Variants in PCDHA6 observed in about 807,000 individuals in gnomAD.
The protein encoded by PCDHA6 is protocadherin alpha-6.
In PCDHA6, 55 loss-of-function variants were observed where a neutral mutation model predicts 60.3. That is an observed-to-expected ratio of 0.91 (90% CI 0.73 to 1.14). The LOEUF (loss-of-function observed/expected upper bound fraction) is 1.14, where lower values mean the gene tolerates loss of function less well. Ranked by LOEUF, PCDHA6 falls within the 50% of genes most tolerant of loss-of-function variation. PCDHA6 has a pLI of 0.00. For missense variants in PCDHA6, 1,327 were observed against 1,256.5 expected (o/e 1.06, Z -0.85); for synonymous variants, 652 against 557.9 (o/e 1.17, Z -2.38).
chr5:140,983,221 A>G (rs1178098444), intron 3 of PCDHA6, among the ~76,000 whole-genome samples: 1 of 152,196 alleles, frequency 6.6e-6, no homozygotes, highest in Non-Finnish European at 1.5e-5. Context: ...TCCTAATCCA[A>G]ACTTTCAGGA....
chr5:140,869,302 G>T lies in PCDHA6; in HGVS notation c.2394+38817G>T. ...GCTGGTGCAGCGCCTGTTCCGGGTGGCGTCCAAAACACATGGGGACCTTCT... is the reference window on the plus strand; with the variant it reads ...GCTGGTGCAGCGCCTGTTCCGGGTGTCGTCCAAAACACATGGGGACCTTCT... On this transcript the variant is annotated intron_variant, in intron 1 of 3. Coordinates refer to ENST00000529310, the MANE Select transcript of PCDHA6 (RefSeq NM_018909.4). The T allele has an allele frequency of 6.2e-7, 1 of 1,613,642 alleles. No homozygotes were observed. Among genetic ancestry groups the T allele is most frequent in the Non-Finnish European group, 8.5e-7 (1 of 1,179,984 alleles).
Position 140,883,537 on chromosome 5 carries a change from G to A in PCDHA6, c.2394+53052G>A, listed in dbSNP as rs782001309. 3 of 1,614,238 alleles carry A rather than the reference G, an allele frequency of 1.9e-6. No individual in the cohort carries two copies. The African/African-American group carries it at 4.0e-5, about 22-fold the overall frequency. On this transcript the variant is annotated intron_variant, in intron 1 of 3. Transcript: ENST00000529310. ...GCGAGAGCGTATCAGCCTATGAACT[G>A]GTGGTGACCGCGCGGGACGGGGGCT...
At chr5:140,863,299 G>A (rs868935823) in intron 1 of PCDHA6, 1 of 1,462,780 alleles carries the variant, frequency 6.8e-7, no homozygotes, top group Admixed American at 1.8e-5. Context: ...CCTGATCATC[G>A]CCATCTGCGT....
At chr5:140,951,541 G>C (rs1029557427) in intron 1 of PCDHA6, among the ~76,000 whole-genome samples, 5 of 152,092 alleles carry the variant, frequency 3.3e-5, no homozygotes, top group African/African-American at 1.2e-4. Flanking sequence ...AGGAGCAAGG[G>C]ACGGGGGGAA....
chr5:140,923,963 A>G (rs1172303229), intron 1 of PCDHA6, among the ~76,000 whole-genome samples: 1 of 152,188 alleles, frequency 6.6e-6, no homozygotes, highest in African/African-American at 2.4e-5. Context: ...CCTAATCTAT[A>G]CCCACACATA....
chr5:140,984,645 C>T (rs1354690786), intron 3 of PCDHA6, among the ~76,000 whole-genome samples: 1 of 152,164 alleles, frequency 6.6e-6, no homozygotes, highest in African/African-American at 2.4e-5. Flanking sequence ...TGCCTTCTCC[C>T]TGTCCTTCTG....
chr5:140,928,821 C>A (rs2085565750), intron 1 of PCDHA6: 3 of 1,614,142 alleles, frequency 1.9e-6, no homozygotes, highest in Non-Finnish European at 2.5e-6. Context: ...ACCATGGAGA[C>A]CCACCACTTT....
At chr5:140,857,771 GCAGT>G in intron 1 of PCDHA6, 1 of 1,597,658 alleles carries the variant, frequency 6.3e-7, no homozygotes, top group Non-Finnish European at 8.6e-7. Context: ...CGCGGGCGGT[GCAGT>G]CAGTGAGCTG....
chr5:140,841,310 C>T, intron 1 of PCDHA6: 1 of 1,550,948 alleles, frequency 6.4e-7, no homozygotes, highest in South Asian at 1.2e-5. Context: ...TGATAGGAAA[C>T]GACTATTTAA....
chr5:140,883,581 C>A, intron 1 of PCDHA6: 2 of 1,614,018 alleles, frequency 1.2e-6, no homozygotes, highest in Non-Finnish European at 1.7e-6. Flanking sequence ...CTGTGGGCCA[C>A]GGCCAGCGTG....
At chr5:140,972,027 C>A (rs2096514532) in intron 1 of PCDHA6, among the ~76,000 whole-genome samples, 1 of 152,110 alleles carries the variant, frequency 6.6e-6, no homozygotes, top group African/African-American at 2.4e-5. Flanking sequence ...GATATTCAGG[C>A]ATTTAAGCTA....
intron 1 of PCDHA6, among the ~76,000 whole-genome samples, chr5:140,891,266 T>G (rs1301781810): frequency 1.3e-5 from 2 of 152,188 alleles, no homozygotes; most frequent in Non-Finnish European, 2.9e-5. Context: ...ATTTTTAATT[T>G]TTCCGTAAGT....
chr5:140,919,649 T>G (rs1252944920), intron 1 of PCDHA6, among the ~76,000 whole-genome samples: 1 of 152,202 alleles, frequency 6.6e-6, no homozygotes, highest in Non-Finnish European at 1.5e-5. Flanking sequence ...TTCTCTAGAG[T>G]TTACCATATA....
At chr5:140,854,157 C>G in intron 1 of PCDHA6, 1 of 165,326 alleles carries the variant, frequency 6.0e-6, no homozygotes. Flanking sequence ...AAGATTCTGT[C>G]TCAAAAAAAA....
intron 1 of PCDHA6, chr5:140,875,770 G>A: frequency 1.2e-6 from 2 of 1,614,230 alleles, no homozygotes; most frequent in East Asian, 2.2e-5. Flanking sequence ...CGGGCGGAGC[G>A]CGGAGTGCAG....
chr5:140,968,401 C>A, intron 1 of PCDHA6: 4 of 1,613,984 alleles, frequency 2.5e-6, no homozygotes, highest in Non-Finnish European at 2.5e-6. Context: ...TTCGGGAGTT[C>A]TTTGTGACTG....
chr5:141,004,809 C>A (rs1319049687), intron 3 of PCDHA6, among the ~76,000 whole-genome samples: 1 of 152,144 alleles, frequency 6.6e-6, no homozygotes. Context: ...AGCTCAATTG[C>A]AGATTTGATT....
chr5:140,937,371 T>C (rs2153632940), intron 1 of PCDHA6, among the ~76,000 whole-genome samples: 1 of 152,314 alleles, frequency 6.6e-6, no homozygotes, highest in Non-Finnish European at 1.5e-5. Context: ...TCTTAATGTT[T>C]ATGTGTGTGT....
At chr5:140,883,041 G>A (rs2059417348) in intron 1 of PCDHA6, 1 of 1,613,960 alleles carries the variant, frequency 6.2e-7, no homozygotes, top group African/African-American at 1.3e-5. Context: ...GCCTTCAATG[G>A]AACATTAGTG....
Sources: gnomAD v4.1 joint callset for allele counts (sites outside exome capture counted in the v4.1 genomes callset) on GRCh38, gnomAD v4.1.1 for gene constraint, MANE v1.5 for transcripts, NCBI Gene and HGNC (gene_info 2026-07-23, HGNC 2026-07-21) for gene names.